TYW1: variants seen among roughly 807,000 people sequenced by gnomAD.
The protein encoded by TYW1 is S-adenosyl-L-methionine-dependent tRNA 4-demethylwyosine synthase TYW1.
A neutral mutation model predicts 96.2 loss-of-function variants in TYW1; 46 were observed. That is an observed-to-expected ratio of 0.48 (90% CI 0.38 to 0.61). TYW1 has a LOEUF of 0.61. TYW1 is among the 20% of genes least tolerant of loss of function. The pLI is 0.00. For synonymous variants in TYW1, 274 were observed against 323.0 expected, an observed-to-expected ratio of 0.85 and a Z score of 1.63; for missense variants, 684 against 909.6, an observed-to-expected ratio of 0.75 and a Z score of 3.19.
At chr7:67,231,747 G>T (rs1801754987) in intron 15 of TYW1, among the ~76,000 whole-genome samples, 2 of 151,538 alleles carry the variant, frequency 1.3e-5, no homozygotes, top group South Asian at 4.2e-4. Flanking sequence ...GCCTCAGACG[G>T]TGTGTCTGGT....
chr7:67,073,950 C>T (rs1389870744), intron 10 of TYW1, among the ~76,000 whole-genome samples: 6 of 150,330 alleles, frequency 4.0e-5, no homozygotes, highest in South Asian at 2.1e-4. Context: ...GGCGTGGTGG[C>T]GGACGCCTGT....
In TYW1 at chr7:67,232,557, AAAT is replaced by A. The variant is rs1334813984; in HGVS notation, c.1978-5742_1978-5740del. Among the ~76,000 whole-genome samples the A allele has an allele frequency of 1.5e-5, 2 of 136,172 alleles. 1 individual carries two copies. Among genetic ancestry groups the A allele is most frequent in the Admixed American group, 1.5e-4 (2 of 13,594 alleles). 89.3% of individuals were successfully genotyped at this position (136,172 alleles called of 152,430 possible). On this transcript the variant is annotated intron_variant, in intron 15 of 15. Coordinates refer to ENST00000359626, the MANE Select transcript of TYW1 (RefSeq NM_018264.4). ...CTCCGTCTCAAAAATAAATAAATAA[AAAT>A]AATAATAAAAAATAAAGAGCACCCT...
chr7:67,049,813 C>G, intron 7 of TYW1, 136 bp from the exon 8 acceptor site: 2 of 1,033,838 alleles, frequency 1.9e-6, no homozygotes, highest in Non-Finnish European at 2.8e-6. Flanking sequence ...TCCTAAAATG[C>G]TGGGATTACA....
At chr7:67,021,266 CATT>C (rs1794257590) in intron 6 of TYW1, among the ~76,000 whole-genome samples, 1 of 152,292 alleles carries the variant, frequency 6.6e-6, no homozygotes, top group Admixed American at 6.5e-5. Flanking sequence ...AGACGCTTCT[CATT>C]CTCTCTTTCC....
At chr7:67,117,004 T>A (rs1010329320) in intron 12 of TYW1, among the ~76,000 whole-genome samples, 2 of 152,094 alleles carry the variant, frequency 1.3e-5, no homozygotes, top group African/African-American at 4.8e-5. Flanking sequence ...TCTGCGTCCT[T>A]TGAGTAAGGC....
intron 11 of TYW1, among the ~76,000 whole-genome samples, chr7:67,091,075 A>G (rs1408845415): frequency 2.6e-5 from 4 of 152,206 alleles, no homozygotes; most frequent in African/African-American, 9.7e-5. Context: ...TGTATACCCA[A>G]AGGATTATAA....
At chr7:67,090,713 TGTGA>T (rs1796688132) in intron 11 of TYW1, among the ~76,000 whole-genome samples, 1 of 152,232 alleles carries the variant, frequency 6.6e-6, no homozygotes, top group African/African-American at 2.4e-5. Flanking sequence ...TGTGTGTGTG[TGTGA>T]GTGTCAGATA....
At chr7:67,223,876 T>C (rs1473574475) in intron 15 of TYW1, among the ~76,000 whole-genome samples, 2 of 151,348 alleles carry the variant, frequency 1.3e-5, no homozygotes, top group Non-Finnish European at 2.9e-5. Flanking sequence ...AAGCCTTCAA[T>C]AGACTCCAGA....
intron 13 of TYW1, among the ~76,000 whole-genome samples, chr7:67,181,837 T>TTTTA (rs1469058108): frequency 2.6e-5 from 4 of 152,038 alleles, no homozygotes; most frequent in Non-Finnish European, 5.9e-5. Flanking sequence ...TTCTTCTTAT[T>TTTTA]TTTATTTATT....
rs368980151 is a variant in TYW1 at position 67,125,341 on chromosome 7, T to C, written c.1698+7723T>C. 3.3e-5 allele frequency among the ~76,000 whole-genome samples: 5 copies of C among 152,272 alleles called. No homozygotes were observed. The East Asian group carries it at 9.6e-4, about 29-fold the overall frequency. ...TATTATTATTTTTCAATTTGGTCTG[T>C]GAATCATCTGAGATTAATTTGGGGG... On this transcript the variant is annotated intron_variant, in intron 13 of 15. Transcript: ENST00000359626.
At chr7:67,224,541 C>T (rs1801496064) in intron 15 of TYW1, among the ~76,000 whole-genome samples, 1 of 152,224 alleles carries the variant, frequency 6.6e-6, no homozygotes. Flanking sequence ...CAGTGGTAAA[C>T]TTAGCCTTCT....
intron 11 of TYW1, among the ~76,000 whole-genome samples, chr7:67,092,324 C>G (rs918049663): frequency 3.3e-5 from 5 of 151,802 alleles, no homozygotes; most frequent in African/African-American, 1.2e-4. Flanking sequence ...GCAGATTATC[C>G]TCTCTCCTTG....
At chr7:67,033,397 T>C (rs1794731473) in intron 7 of TYW1, among the ~76,000 whole-genome samples, 1 of 152,192 alleles carries the variant, frequency 6.6e-6, no homozygotes, top group South Asian at 2.1e-4. Flanking sequence ...CCAGCAGCAG[T>C]GCTCACTTGC....
intron 13 of TYW1, among the ~76,000 whole-genome samples, chr7:67,165,186 A>G (rs550398471): frequency 6.6e-6 from 1 of 152,332 alleles, no homozygotes; most frequent in East Asian, 1.9e-4. Flanking sequence ...TACTGCTTCA[A>G]TTTGCATATC....
intron 7 of TYW1, among the ~76,000 whole-genome samples, chr7:67,026,816 A>G (rs969205601): frequency 6.6e-6 from 1 of 152,100 alleles, no homozygotes; most frequent in Non-Finnish European, 1.5e-5. Flanking sequence ...GACCCTTGCA[A>G]CAGAATAAAA....
At chr7:67,139,206 C>G (rs2687021) in intron 13 of TYW1, among the ~76,000 whole-genome samples, 6 of 152,232 alleles carry the variant, frequency 3.9e-5, no homozygotes, top group South Asian at 2.1e-4. Context: ...TGCACGCCGC[C>G]ACACCCGGCT....
intron 3 of TYW1, among the ~76,000 whole-genome samples, chr7:67,006,438 C>CTTTTTTTT (rs34088521): frequency 3.5e-5 from 4 of 114,760 alleles, no homozygotes; most frequent in Non-Finnish European, 5.1e-5. Flanking sequence ...TTCTTTTTTC[C>CTTTTTTTT]TTTTTTTTTT....
intron 7 of TYW1, among the ~76,000 whole-genome samples, chr7:67,027,270 C>T (rs1480894221): frequency 2.0e-5 from 3 of 151,188 alleles, no homozygotes; most frequent in Non-Finnish European, 2.9e-5. Context: ...AATGGATGAG[C>T]GAGCTAAATG....
intron 13 of TYW1, among the ~76,000 whole-genome samples, chr7:67,126,947 G>A (rs1446539791): frequency 6.6e-6 from 1 of 151,732 alleles, no homozygotes; most frequent in East Asian, 1.9e-4. Flanking sequence ...TTCTATTTTT[G>A]TATTCCACAT....
Sources: gnomAD v4.1 joint callset for allele counts (sites outside exome capture counted in the v4.1 genomes callset) on GRCh38, gnomAD v4.1.1 for gene constraint, MANE v1.5 for transcripts, NCBI Gene and HGNC (gene_info 2026-07-23, HGNC 2026-07-21) for gene names.